Variants in CLIC5 observed in about 807,000 individuals in gnomAD.
CLIC5 encodes CLIC family member 5, also known as chloride intracellular channel protein 5.
CLIC5 carries 20 observed loss-of-function variants against 24.7 expected under a neutral mutation model. The observed-to-expected ratio is 0.81, with a 90% CI of 0.57 to 1.18. The LOEUF (loss-of-function observed/expected upper bound fraction) is 1.18, where lower values mean the gene tolerates loss of function less well. CLIC5 is among the 50% of genes most tolerant of loss of function. The pLI is 0.00. For missense variants in CLIC5, 341 were observed against 326.1 expected, an observed-to-expected ratio of 1.05 and a Z score of -0.35; for synonymous variants, 159 against 135.6, an observed-to-expected ratio of 1.17 and a Z score of -1.20.
intron 1 of CLIC5, among the ~76,000 whole-genome samples, chr6:46,069,772 A>G (rs549937292): frequency 6.6e-6 from 1 of 152,234 alleles, no homozygotes; most frequent in East Asian, 1.9e-4. Context: ...ACAGCAAAAA[A>G]AGAAAACTTC....
chr6:45,900,399 C>A lies in CLIC5; in HGVS notation c.*2689G>T, dbSNP rs1252159135. 6.6e-6 allele frequency: 1 copy of A among 151,942 alleles called. No individual in the cohort carries two copies. Among genetic ancestry groups the A allele is most frequent in the Non-Finnish European group, 1.5e-5 (1 of 68,026 alleles). 9.4% of individuals were successfully genotyped at this position (151,942 alleles called of 1,614,324 possible). A position where few individuals can be genotyped will look rare whatever the true frequency, so the allele number is the denominator to read the frequency against. Reference sequence around the variant, plus strand: ...TAGTTGTGGGGTCCCAACTGCAGACCCTCCCGTGCTCCCTGAGTTGTTCTT... The same window carrying A: ...TAGTTGTGGGGTCCCAACTGCAGACACTCCCGTGCTCCCTGAGTTGTTCTT... On this transcript the variant is annotated 3_prime_UTR_variant, in exon 6 of 6. Transcript: ENST00000339561.
chr6:45,957,709 T>G (rs1188071126), intron 1 of CLIC5, among the ~76,000 whole-genome samples: 3 of 152,204 alleles, frequency 2.0e-5, no homozygotes, highest in Admixed American at 6.5e-5. Flanking sequence ...CCAATAGAAA[T>G]ATGCGAGGAT....
chr6:45,961,873 G>A (rs1764854351), intron 1 of CLIC5, among the ~76,000 whole-genome samples: 1 of 152,026 alleles, frequency 6.6e-6, no homozygotes, highest in Non-Finnish European at 1.5e-5. Flanking sequence ...TACATTTGAG[G>A]CTACAGAGAT....
chr6:46,032,436 C>A (rs933556321), intron 1 of CLIC5, among the ~76,000 whole-genome samples: 1 of 152,212 alleles, frequency 6.6e-6, no homozygotes, highest in African/African-American at 2.4e-5. Context: ...GGAGGGAGAA[C>A]TTTTCAGCTT....
At chr6:45,967,101 T>TA (rs1561970693) in intron 1 of CLIC5, among the ~76,000 whole-genome samples, 1 of 152,234 alleles carries the variant, frequency 6.6e-6, no homozygotes, top group Non-Finnish European at 1.5e-5. Context: ...TGTGGCTTCT[T>TA]AAAAAATGCA....
intron 1 of CLIC5, among the ~76,000 whole-genome samples, chr6:46,012,435 T>C (rs112821356): frequency 5.9e-5 from 9 of 152,306 alleles, no homozygotes; most frequent in African/African-American, 2.2e-4. Context: ...AAATAATCTC[T>C]TAAAAGTCAC....
intron 5 of CLIC5, 92 bp downstream of exon 5, chr6:45,914,136 C>A: frequency 9.6e-7 from 1 of 1,038,736 alleles, no homozygotes; most frequent in Non-Finnish European, 1.3e-6. Context: ...TCTTGACCAA[C>A]AGGTGGTACT....
intron 4 of CLIC5, among the ~76,000 whole-genome samples, chr6:45,938,392 G>C (rs1318823004): frequency 2.0e-5 from 3 of 152,138 alleles, no homozygotes; most frequent in African/African-American, 7.2e-5. Flanking sequence ...CGGGGGTATT[G>C]GGTGGGAGGA....
In CLIC5 at chr6:45,899,082, G is replaced by T. The variant is rs1762444728; in HGVS notation, c.*4006C>A. 1 of 152,180 alleles carries T rather than the reference G, an allele frequency of 6.6e-6. No homozygotes were observed. The highest frequency in any genetic ancestry group is 6.5e-5 in the Admixed American group (1 of 15,280). The allele number at this position is 152,180 out of a possible 1,614,324, so 9.4% of individuals were successfully genotyped here. On this transcript the variant is annotated 3_prime_UTR_variant, in exon 6 of 6. Transcript: ENST00000339561. ...GTATCCTGACACTAAGCTGGGAGAT[G>T]CATACTGACAAAGGGGAAGAATGTG...
intron 1 of CLIC5, among the ~76,000 whole-genome samples, chr6:45,975,218 G>A (rs1333535464): frequency 2.6e-5 from 4 of 152,094 alleles, no homozygotes; most frequent in Non-Finnish European, 5.9e-5. Context: ...CTTTGGTGAG[G>A]CACACTCAGG....
At chr6:46,010,190 G>A (rs1390586563) in intron 1 of CLIC5, among the ~76,000 whole-genome samples, 1 of 152,148 alleles carries the variant, frequency 6.6e-6, no homozygotes, top group Non-Finnish European at 1.5e-5. Flanking sequence ...TCAGCTGGTA[G>A]GACTGAGCCT....
At chr6:45,921,523 G>T (rs1354272004) in intron 4 of CLIC5, among the ~76,000 whole-genome samples, 1 of 152,100 alleles carries the variant, frequency 6.6e-6, no homozygotes, top group Non-Finnish European at 1.5e-5. Flanking sequence ...AGTGAGACTT[G>T]ATTAAAGTTA....
rs1471764133 is a variant in CLIC5, at chr6:45,902,541, T to C, written c.*547A>G. On this transcript the variant is annotated 3_prime_UTR_variant, in exon 6 of 6. Coordinates refer to ENST00000339561, the MANE Select transcript of CLIC5 (RefSeq NM_016929.5). Reference sequence around the variant, plus strand: ...GGCCCTTAGTGCCCAATAACCAGAGTGTCAGAAGTAGTGAGACTGAAGCTG... The same window carrying C: ...GGCCCTTAGTGCCCAATAACCAGAGCGTCAGAAGTAGTGAGACTGAAGCTG... 1 of 154,306 alleles carries C rather than the reference T, an allele frequency of 6.5e-6. No homozygotes were observed. Among genetic ancestry groups the C allele is most frequent in the African/African-American group, 2.4e-5 (1 of 41,410 alleles). The allele number at this position is 154,306 out of a possible 1,614,324, so 9.6% of individuals were successfully genotyped here.
At chr6:45,999,676 C>G (rs1165198472) in intron 1 of CLIC5, among the ~76,000 whole-genome samples, 1 of 151,500 alleles carries the variant, frequency 6.6e-6, no homozygotes, top group Non-Finnish European at 1.5e-5. Flanking sequence ...AGGATGAAGA[C>G]TTATGATGAC....
chr6:45,886,169 G>C (rs955722711), intron 6 of CLIC5, among the ~76,000 whole-genome samples: 2 of 152,164 alleles, frequency 1.3e-5, no homozygotes, highest in Non-Finnish European at 1.5e-5. Flanking sequence ...TGGGTTGGTC[G>C]GTGGTCCCAG....
upstream of CLIC5, among the ~76,000 whole-genome samples, chr6:46,084,053 C>T (rs1762980240): frequency 2.6e-5 from 4 of 152,074 alleles, no homozygotes; most frequent in Admixed American, 2.6e-4. Flanking sequence ...CTCTTTTGAT[C>T]TTTGTTGGTT....
At chr6:45,889,049 G>A (rs942117962) in intron 6 of CLIC5, among the ~76,000 whole-genome samples, 1 of 152,180 alleles carries the variant, frequency 6.6e-6, no homozygotes, top group Non-Finnish European at 1.5e-5. Flanking sequence ...GGAATGGGAG[G>A]TGATCCCTAT....
the CLIC5 span, among the ~76,000 whole-genome samples, chr6:46,103,327 G>A: frequency 6.6e-6 from 1 of 152,180 alleles, no homozygotes; most frequent in Non-Finnish European, 1.5e-5. Context: ...TCGAGGTGGG[G>A]TGGCTGTTCA....
Position 45,989,293 on chromosome 6 carries a change from G to A in CLIC5, c.63+26187C>T, listed in dbSNP as rs528853552. On this transcript the variant is annotated intron_variant, in intron 1 of 5. Coordinates refer to ENST00000339561, the MANE Select transcript of CLIC5 (RefSeq NM_016929.5). Reference sequence around the variant, plus strand: ...TGAGACACCCTTTTCCAGCTTCTCTGACAATTAGCCTCAGCATCCTGTGGA... The same window carrying A: ...TGAGACACCCTTTTCCAGCTTCTCTAACAATTAGCCTCAGCATCCTGTGGA... Among the ~76,000 whole-genome samples the A allele has an allele frequency of 7.2e-5, 11 of 152,220 alleles. No individual in the cohort carries two copies. The South Asian group carries it at 2.3e-3, about 32-fold the overall frequency.
Sources: allele counts gnomAD v4.1 joint callset (sites outside exome capture counted in the v4.1 genomes callset), GRCh38; gene constraint gnomAD v4.1.1; transcripts MANE v1.5; gene names NCBI Gene and HGNC (gene_info 2026-07-23, HGNC 2026-07-21).